Variants in TTYH2 observed in about 807,000 individuals in gnomAD.
TTYH2 encodes protein tweety homolog 2.
Under a neutral mutation model 68.3 loss-of-function variants are expected in TTYH2, and 49 were observed. The ratio of observed to expected loss-of-function variants is 0.72; its 90% CI spans 0.57 to 0.91. TTYH2 has a LOEUF of 0.91. TTYH2 is among the 40% of genes least tolerant of loss of function. The pLI is 0.00. For synonymous variants in TTYH2, 272 were observed against 300.8 expected (o/e 0.90, Z 0.99); for missense variants, 631 against 700.4 (o/e 0.90, Z 1.12).
rs895598420 is a variant in TTYH2 at position 74,253,470 on chromosome 17, T to G, written c.1445+204T>G. ...ATGTGCTGGGGGAAGAAACCACTGA[T>G]GTCAGCAGCCTCTGCCACAAGCTGG... is the stretch of plus-strand genomic sequence containing the variant. On this transcript the variant is annotated intron_variant, in intron 12 of 13. Coordinates refer to ENST00000269346, the MANE Select transcript of TTYH2 (RefSeq NM_032646.6). Among the ~76,000 whole-genome samples the G allele has an allele frequency of 3.9e-5, 6 of 152,298 alleles. No homozygotes were observed. The South Asian group carries it at 8.3e-4, about 21-fold the overall frequency.
chr17:74,230,811 T>G, intron 2 of TTYH2, 77 bp from the exon 3 acceptor site: 1 of 1,500,006 alleles, frequency 6.7e-7, no homozygotes, highest in Non-Finnish European at 9.1e-7. Flanking sequence ...CACCCAACCC[T>G]AAGCTTATTT....
chr17:74,240,158 G>T (rs1173647031), intron 4 of TTYH2, among the ~76,000 whole-genome samples: 1 of 152,222 alleles, frequency 6.6e-6, no homozygotes, highest in African/African-American at 2.4e-5. Flanking sequence ...TCGGGTTGAG[G>T]CAGAAGAGGT....
rs1191974210 is a variant in TTYH2 at position 74,232,906 on chromosome 17, C to CT, written c.414+1908dup. Among the ~76,000 whole-genome samples, 2 of 152,324 alleles carry CT rather than the reference C, an allele frequency of 1.3e-5. No individual in the cohort carries two copies. The highest frequency in any genetic ancestry group is 2.1e-4 in the South Asian group (1 of 4,834). ...AGGCTGGGGCCTCCCACCCCATGGC[C>CT]TGATGGTGCTCCAGGGCCAGGTTTG... On this transcript the variant is annotated intron_variant, in intron 3 of 13. Transcript: ENST00000269346. The surrounding 1 kb of genome is among the most constrained non-coding windows in gnomAD (Gnocchi z 5.1).
rs114505829 is a variant in TTYH2, at chr17:74,239,915, A to C, written c.635+2401A>C. On this transcript the variant is annotated intron_variant, in intron 4 of 13. Transcript: ENST00000269346. This position sits in a 1 kb window ranked among gnomAD's most constrained non-coding sequence, Gnocchi z 5.3. ...CAGGGGCAGGACCCATTTTAACGTC[A>C]CTCTTCTCTGAGCACACCTAGCAGA... Among the ~76,000 whole-genome samples, 1,224 of 152,006 alleles carry C rather than the reference A, an allele frequency of 8.1e-3. 14 individuals are homozygous for C. Among genetic ancestry groups the C allele is most frequent in the African/African-American group, 0.028 (1,173 of 41,414 alleles).
intron 3 of TTYH2, among the ~76,000 whole-genome samples, chr17:74,236,810 G>A (rs113144229): frequency 2.6e-5 from 4 of 152,064 alleles, no homozygotes; most frequent in Non-Finnish European, 5.9e-5. Context: ...TCTGTCTTCA[G>A]TCCTTCCTCC....
chr17:74,251,433 G>A (rs560586535), intron 10 of TTYH2, among the ~76,000 whole-genome samples: 6 of 152,104 alleles, frequency 3.9e-5, no homozygotes, highest in Admixed American at 1.3e-4. Flanking sequence ...GAAGAGTCCC[G>A]AGTTGGCACA....
At chr17:74,243,954 G>A (rs747288437) in intron 5 of TTYH2, 23 bp from the exon 6 acceptor site, 25 of 1,608,562 alleles carry the variant, frequency 1.6e-5, no homozygotes, top group Non-Finnish European at 2.0e-5. Flanking sequence ...GCCTGCCAAC[G>A]TTGTCGCCTG....
At chr17:74,257,405 A>G (rs1396765703) in intron 13 of TTYH2, among the ~76,000 whole-genome samples, 2 of 152,180 alleles carry the variant, frequency 1.3e-5, no homozygotes, top group Admixed American at 6.5e-5. Context: ...CCGCAGACCA[A>G]GGAACCCCAC....
At chr17:74,249,632 G>A (rs1445179647) in intron 8 of TTYH2, among the ~76,000 whole-genome samples, 1 of 152,320 alleles carries the variant, frequency 6.6e-6, no homozygotes, top group Non-Finnish European at 1.5e-5. Flanking sequence ...CTGTCCAGGA[G>A]CTCTGGGGTG....
chr17:74,214,298 T>C lies in TTYH2; in HGVS notation c.129+582T>C, dbSNP rs1425256231. ...GGCTTGGGGAAGCGGTGTGGGTCAC[T>C]TCCCCTCTAGCGCAGAGAACCCACA... is the stretch of plus-strand genomic sequence containing the variant. On this transcript the variant is annotated intron_variant, in intron 1 of 13. Transcript: ENST00000269346. The surrounding 1 kb of genome is among the most constrained non-coding windows in gnomAD (Gnocchi z 4.6). Among the ~76,000 whole-genome samples, 3 of 152,074 alleles carry C rather than the reference T, an allele frequency of 2.0e-5. No homozygotes were observed. Among genetic ancestry groups the C allele is most frequent in the Non-Finnish European group, 2.9e-5 (2 of 67,990 alleles).
At chr17:74,231,469 G>A (rs1414716991) in intron 3 of TTYH2, among the ~76,000 whole-genome samples, 1 of 152,152 alleles carries the variant, frequency 6.6e-6, no homozygotes, top group East Asian at 1.9e-4. Flanking sequence ...GCCAAGGCAT[G>A]TGGAGCTCAG....
At position 74,222,825 on chromosome 17, in the gene TTYH2, C is replaced by T. The variant is rs530981401; in HGVS notation, c.302+168C>T. On this transcript the variant is annotated intron_variant, in intron 2 of 13. Transcript: ENST00000269346. The surrounding 1 kb of genome is among the most constrained non-coding windows in gnomAD (Gnocchi z 5.2). Reference sequence around the variant, plus strand: ...TTACCAAGCATCAGGAATCAGATGCCTGGGGTGGTGATGGGGTCTCCAGAA... The same window carrying T: ...TTACCAAGCATCAGGAATCAGATGCTTGGGGTGGTGATGGGGTCTCCAGAA... Among the ~76,000 whole-genome samples the T allele has an allele frequency of 1.3e-5, 2 of 151,948 alleles. No individual in the cohort carries two copies. Among genetic ancestry groups the T allele is most frequent in the South Asian group, 2.1e-4 (1 of 4,822 alleles).
At chr17:74,244,855 A>AGTGTGTGTGTGTGTGTGTGTGTGTGT (rs58119512) in intron 6 of TTYH2, among the ~76,000 whole-genome samples, 1 of 149,824 alleles carries the variant, frequency 6.7e-6, no homozygotes, top group African/African-American at 2.4e-5. Flanking sequence ...GTGGAGGTGC[A>AGTGTGTGTGTGTGTGTGTGTGTGTGT]GTGTGTGTGT....
intron 4 of TTYH2, chr17:74,240,924 G>A (rs2050493776): frequency 6.6e-6 from 1 of 152,216 alleles, no homozygotes; most frequent in Non-Finnish European, 1.5e-5. Flanking sequence ...ACAGAGAGTG[G>A]GTTAGAAGCA....
chr17:74,232,601 G>T lies in TTYH2; in HGVS notation c.414+1602G>T, dbSNP rs1340679267. Among the ~76,000 whole-genome samples the T allele has an allele frequency of 6.6e-6, 1 of 152,140 alleles. No homozygotes were observed. The highest frequency in any genetic ancestry group is 2.4e-5 in the African/African-American group (1 of 41,438). ...GGCACCCACCCTTGCCCCAGGCCCT[G>T]GTGGGGAAGGGCCCCATGGTCACTG... is the stretch of plus-strand genomic sequence containing the variant. On this transcript the variant is annotated intron_variant, in intron 3 of 13. Transcript: ENST00000269346. The surrounding 1 kb of genome is among the most constrained non-coding windows in gnomAD (Gnocchi z 5.1).
At chr17:74,227,983 CTTTTT>C (rs35080135) in intron 2 of TTYH2, among the ~76,000 whole-genome samples, 9 of 112,554 alleles carry the variant, frequency 8.0e-5, no homozygotes, top group African/African-American at 4.2e-4. Flanking sequence ...TCTTTTCTTT[CTTTTT>C]TTTTTTTTTT....
intron 13 of TTYH2, among the ~76,000 whole-genome samples, chr17:74,254,895 C>A (rs959836908): frequency 2.0e-5 from 3 of 152,158 alleles, no homozygotes; most frequent in Non-Finnish European, 4.4e-5. Context: ...GGGCTGAACC[C>A]AAACACAGCC....
chr17:74,260,487 T>G lies in TTYH2; in HGVS notation c.*278T>G. On this transcript the variant is annotated 3_prime_UTR_variant, in exon 14 of 14. Transcript: ENST00000269346. ...CATCCCTGAGCTGGCTGCCTGGCCCTGCTCACCCCTACGCCTCGCCCTTGC... is the reference window on the plus strand; with the variant it reads ...CATCCCTGAGCTGGCTGCCTGGCCCGGCTCACCCCTACGCCTCGCCCTTGC... 2.1e-6 allele frequency: 1 copy of G among 481,884 alleles called. No homozygotes were observed. Among genetic ancestry groups the G allele is most frequent in the Non-Finnish European group, 3.8e-6 (1 of 262,184 alleles). 29.9% of individuals were successfully genotyped at this position (481,884 alleles called of 1,614,324 possible).
At chr17:74,245,877 GC>G (rs1396560642) in intron 6 of TTYH2, among the ~76,000 whole-genome samples, 1 of 152,118 alleles carries the variant, frequency 6.6e-6, no homozygotes, top group East Asian at 1.9e-4. Context: ...GATTGACAAG[GC>G]CTCCCTTCCC....
Sources: gnomAD v4.1 joint callset for allele counts (sites outside exome capture counted in the v4.1 genomes callset) on GRCh38, gnomAD v4.1.1 for gene constraint, Gnocchi (gnomAD v3.1) non-coding constraint, MANE v1.5 for transcripts, NCBI Gene and HGNC (gene_info 2026-07-23, HGNC 2026-07-21) for gene names.